Variants in DTWD2 observed in about 807,000 individuals in gnomAD.
DTWD2 encodes DTW motif tRNA-uridine aminocarboxypropyltransferase 2.
A neutral mutation model predicts 31.8 loss-of-function variants in DTWD2; 39 were observed. That is an observed-to-expected ratio of 1.22 (90% CI 0.95 to 1.60). The LOEUF is 1.60. DTWD2 is among the 40% of genes most tolerant of loss of function. The probability of loss-of-function intolerance (pLI) is 0.00; values close to 1 mark genes in which losing one functional copy is unlikely to be tolerated. For missense variants in DTWD2, 515 were observed against 381.5 expected (o/e 1.35, Z -2.92); for synonymous variants, 180 against 142.8 (o/e 1.26, Z -1.86).
chr5:118,975,116 T>C (rs910543211), intron 1 of DTWD2, among the ~76,000 whole-genome samples: 1 of 152,198 alleles, frequency 6.6e-6, no homozygotes, highest in Non-Finnish European at 1.5e-5. Context: ...TCCTGAAGAG[T>C]GTTTTCCAAC....
At chr5:118,892,331 C>T (rs1752992860) in intron 4 of DTWD2, among the ~76,000 whole-genome samples, 1 of 152,052 alleles carries the variant, frequency 6.6e-6, no homozygotes, top group South Asian at 2.1e-4. Context: ...CTTTAATATT[C>T]ACAAACACAT....
chr5:118,988,094 T>C (rs1303236181), intron 1 of DTWD2, 200 bp downstream of exon 1: 1 of 731,126 alleles, frequency 1.4e-6, no homozygotes, highest in Non-Finnish European at 2.4e-6. Flanking sequence ...GGAAGTAAGG[T>C]TAGATAATCA....
At chr5:118,911,647 G>C (rs1251853450) in intron 4 of DTWD2, among the ~76,000 whole-genome samples, 1 of 152,080 alleles carries the variant, frequency 6.6e-6, no homozygotes, top group African/African-American at 2.4e-5. Flanking sequence ...AAAATGTGGT[G>C]TGTGTATATA....
At chr5:118,856,103 G>A (rs7722194) in intron 4 of DTWD2, among the ~76,000 whole-genome samples, 22,255 of 151,984 alleles carry the variant, frequency 0.15, 1,907 homozygotes, top group South Asian at 0.31. Context: ...GTTCACTTAC[G>A]GATGTCCATA....
At chr5:118,930,197 C>T (rs1025092178) in intron 3 of DTWD2, among the ~76,000 whole-genome samples, 1 of 152,116 alleles carries the variant, frequency 6.6e-6, no homozygotes, top group African/African-American at 2.4e-5. Context: ...GGAACGTTCC[C>T]CTTGGCCCCT....
chr5:118,959,552 T>C (rs1754662303), intron 1 of DTWD2, among the ~76,000 whole-genome samples: 1 of 152,206 alleles, frequency 6.6e-6, no homozygotes, highest in African/African-American at 2.4e-5. Context: ...TTCAATCCTA[T>C]TTCTATCAAA....
At chr5:118,962,064 C>A (rs1580440083) in intron 1 of DTWD2, among the ~76,000 whole-genome samples, 2 of 151,914 alleles carry the variant, frequency 1.3e-5, no homozygotes, top group African/African-American at 2.4e-5. Context: ...CATGGAGAAA[C>A]CCCATCTCTA....
chr5:118,852,863 T>G (rs982081168), intron 4 of DTWD2, among the ~76,000 whole-genome samples: 2 of 152,100 alleles, frequency 1.3e-5, no homozygotes, highest in Admixed American at 6.5e-5. Context: ...TACATATACA[T>G]CATGGAACAC....
chr5:118,885,703 T>A (rs1752847995), intron 4 of DTWD2, among the ~76,000 whole-genome samples: 1 of 150,098 alleles, frequency 6.7e-6, no homozygotes, highest in Admixed American at 6.6e-5. Context: ...GAGGCAGAGG[T>A]TATAGTGAGC....
chr5:118,949,417 T>C (rs187390231), intron 1 of DTWD2, among the ~76,000 whole-genome samples: 2 of 152,092 alleles, frequency 1.3e-5, no homozygotes, highest in Admixed American at 6.5e-5. Context: ...GAGGGAGGTA[T>C]TGAGGACAAG....
intron 4 of DTWD2, among the ~76,000 whole-genome samples, chr5:118,884,996 CAAAAAAAA>C (rs36042211): frequency 2.4e-4 from 12 of 49,746 alleles, no homozygotes; most frequent in African/African-American, 7.5e-4. Flanking sequence ...ACTCCATCTC[CAAAAAAAA>C]AAAAAAAAAA....
At chr5:118,952,455 T>C (rs1754488053) in intron 1 of DTWD2, among the ~76,000 whole-genome samples, 1 of 151,900 alleles carries the variant, frequency 6.6e-6, no homozygotes, top group Admixed American at 6.6e-5. Flanking sequence ...GTCAAAGGGG[T>C]TGTTCTCCGG....
rs528412481 is a variant in DTWD2 at position 118,965,169 on chromosome 5, G to A, written c.219-20520C>T. On this transcript the variant is annotated intron_variant, in intron 1 of 5. Transcript: ENST00000510708. The stretch of plus-strand genomic sequence containing the variant: ...TAAGGAGCCCCTCCGCCCGGCAGCT[G>A]CCCTGTCTGAGAAGTGAGGAGCCCC... 1.8e-3 allele frequency among the ~76,000 whole-genome samples: 266 copies of A among 149,420 alleles called. 2 individuals carry two copies. The highest frequency in any genetic ancestry group is 6.1e-3 in the African/African-American group (245 of 40,272).
At chr5:118,933,993 T>C (rs755832181) in intron 3 of DTWD2, among the ~76,000 whole-genome samples, 1 of 151,306 alleles carries the variant, frequency 6.6e-6, no homozygotes, top group Non-Finnish European at 1.5e-5. Flanking sequence ...CAAAAGTCAA[T>C]TGCTTTCCCA....
Position 118,927,227 on chromosome 5 carries a change from T to C in DTWD2, c.597+1310A>G, listed in dbSNP as rs976706873. Among the ~76,000 whole-genome samples the C allele has an allele frequency of 5.4e-5, 8 of 149,332 alleles. No homozygotes were observed. The South Asian group carries it at 1.5e-3, about 28-fold the overall frequency. ...GGTCCCATCTCCAAATACCATTATA[T>C]TGGAAGTTAGGGCTCCAATATATGC... On this transcript the variant is annotated intron_variant, in intron 4 of 5. Transcript: ENST00000510708.
chr5:118,956,309 T>A (rs1375048544), intron 1 of DTWD2, among the ~76,000 whole-genome samples: 1 of 152,256 alleles, frequency 6.6e-6, no homozygotes, highest in Admixed American at 6.5e-5. Context: ...ATTAATGTAA[T>A]TACATTCTTA....
intron 1 of DTWD2, among the ~76,000 whole-genome samples, chr5:118,945,396 T>G (rs879570805): frequency 6.6e-6 from 1 of 152,186 alleles, no homozygotes; most frequent in Non-Finnish European, 1.5e-5. Flanking sequence ...GTTTTTTATG[T>G]CCTTCCAAAG....
At chr5:118,931,386 G>A (rs551216188) in intron 3 of DTWD2, among the ~76,000 whole-genome samples, 12 of 136,248 alleles carry the variant, frequency 8.8e-5, no homozygotes, top group South Asian at 4.5e-4. Context: ...GCAACAGAAC[G>A]AGACCTTGTC....
chr5:118,878,839 G>A (rs114356969), intron 4 of DTWD2, among the ~76,000 whole-genome samples: 3,532 of 152,212 alleles, frequency 0.023, 142 homozygotes, highest in African/African-American at 0.08. Flanking sequence ...TAAAGGATAT[G>A]AACACTTCAA....
Sources: gnomAD v4.1 joint callset for allele counts (sites outside exome capture counted in the v4.1 genomes callset) on GRCh38, gnomAD v4.1.1 for gene constraint, MANE v1.5 for transcripts, NCBI Gene and HGNC (gene_info 2026-07-23, HGNC 2026-07-21) for gene names.